The following ERC1 variants were observed in gnomAD, a reference collection of about 807,000 sequenced individuals.
The protein encoded by ERC1 is ELKS/RAB6-interacting/CAST family member 1.
In ERC1, 56 loss-of-function variants were observed where a neutral mutation model predicts 132.0. The observed-to-expected ratio is 0.42, with a 90% confidence interval of 0.34 to 0.53. The LOEUF (loss-of-function observed/expected upper bound fraction) is 0.53. Among genes scored for constraint, ERC1 ranks in the 20% least tolerant of loss-of-function variants. The pLI, the probability that ERC1 is intolerant of heterozygous loss-of-function variation, is 0.03. For synonymous variants in ERC1, 478 were observed against 476.1 expected (o/e 1.00, Z -0.05); for missense variants, 1,202 against 1,349.9 (o/e 0.89, Z 1.72).
rs1297614928 is a variant in ERC1 at position 1,493,549 on chromosome 12, ATATATATATAT to A, written c.*3320_*3330del. On this transcript the variant is annotated 3_prime_UTR_variant, in exon 19 of 19. Transcript: ENST00000360905. The stretch of plus-strand genomic sequence containing the variant: ...CTCCATTTAAAAAAAAAAAAAAAAA[ATATATATATAT>A]ATATATATATATATATATGGATGGG... 2 of 42,460 alleles carry A rather than the reference ATATATATATAT, an allele frequency of 4.7e-5. No individual in the cohort carries two copies. Among genetic ancestry groups the A allele is most frequent in the Admixed American group, 2.6e-4 (1 of 3,790 alleles). The allele number at this position is 42,460 out of a possible 1,614,324, so 2.6% of individuals were successfully genotyped here.
chr12:1,338,094 T>C (rs538970989), intron 15 of ERC1, among the ~76,000 whole-genome samples: 30 of 152,356 alleles, frequency 2.0e-4, no homozygotes, highest in African/African-American at 7.0e-4. Flanking sequence ...TAGCTAGGGT[T>C]GGGAAGCTCT....
intron 15 of ERC1, among the ~76,000 whole-genome samples, chr12:1,364,018 T>C (rs973199410): frequency 3.3e-5 from 5 of 152,244 alleles, no homozygotes; most frequent in Admixed American, 2.0e-4. Flanking sequence ...GCGTGCACTG[T>C]TGGAACTATG....
chr12:1,161,082 T>C (rs561443716), intron 8 of ERC1, among the ~76,000 whole-genome samples: 1 of 152,344 alleles, frequency 6.6e-6, no homozygotes, highest in East Asian at 1.9e-4. Context: ...CTCCCAGTCT[T>C]CCCAGTCTTT....
At chr12:1,409,375 G>A (rs796727804) in intron 17 of ERC1, among the ~76,000 whole-genome samples, 2 of 152,310 alleles carry the variant, frequency 1.3e-5, no homozygotes, top group African/African-American at 4.8e-5. Flanking sequence ...ATGCATGTTT[G>A]ATTCCTCATG....
At chr12:1,412,520 A>G (rs1591867381) in intron 17 of ERC1, among the ~76,000 whole-genome samples, 1 of 152,266 alleles carries the variant, frequency 6.6e-6, no homozygotes, top group East Asian at 1.9e-4. Context: ...ACCATGTACT[A>G]GCTTCTGATT....
intron 17 of ERC1, among the ~76,000 whole-genome samples, chr12:1,440,397 G>GA (rs2093088663): frequency 1.4e-5 from 2 of 147,568 alleles, no homozygotes; most frequent in Admixed American, 1.3e-4. Context: ...TAGTAGAGAC[G>GA]GGGTTTCACC....
chr12:1,459,137 C>T (rs1372125783), intron 18 of ERC1, among the ~76,000 whole-genome samples: 1 of 152,196 alleles, frequency 6.6e-6, no homozygotes, highest in East Asian at 1.9e-4. Context: ...TTGCCTAAAT[C>T]TTTCCAAAGA....
chr12:1,114,017 C>CT (rs1028415921), intron 6 of ERC1, among the ~76,000 whole-genome samples: 4 of 151,980 alleles, frequency 2.6e-5, no homozygotes, highest in Admixed American at 6.6e-5. Context: ...CTTTTCTTTT[C>CT]TTTTTTTCTT....
At chr12:1,253,202 G>C (rs1313199188) in intron 13 of ERC1, among the ~76,000 whole-genome samples, 1 of 152,148 alleles carries the variant, frequency 6.6e-6, no homozygotes, top group African/African-American at 2.4e-5. Flanking sequence ...CCTTCTTTCT[G>C]CTGCAGAAAA....
intron 8 of ERC1, among the ~76,000 whole-genome samples, chr12:1,177,673 A>C (rs1953897352): frequency 6.6e-6 from 1 of 152,220 alleles, no homozygotes; most frequent in Admixed American, 6.5e-5. Context: ...ATCACGGATC[A>C]CTGTAACTGA....
intron 15 of ERC1, among the ~76,000 whole-genome samples, chr12:1,352,231 A>T (rs1447745622): frequency 2.0e-5 from 3 of 152,224 alleles, no homozygotes; most frequent in Admixed American, 6.5e-5. Context: ...TTGAGTACCC[A>T]TCCTAGTTTT....
intron 18 of ERC1, among the ~76,000 whole-genome samples, chr12:1,460,961 T>TC (rs2093632798): frequency 7.3e-6 from 1 of 136,276 alleles, no homozygotes; most frequent in Non-Finnish European, 1.6e-5. Flanking sequence ...GGAGGCCCTT[T>TC]TTTTTTTTTT....
At chr12:1,036,078 T>C (rs1205100504) in intron 2 of ERC1, among the ~76,000 whole-genome samples, 2 of 152,176 alleles carry the variant, frequency 1.3e-5, no homozygotes, top group Admixed American at 6.5e-5. Context: ...AGCACTGTCA[T>C]TGAAATATTT....
intron 12 of ERC1, among the ~76,000 whole-genome samples, chr12:1,215,532 T>TTA (rs1958318916): frequency 6.6e-6 from 1 of 152,152 alleles, no homozygotes; most frequent in Non-Finnish European, 1.5e-5. Flanking sequence ...GTATTACAAT[T>TTA]TATCAGTGGA....
chr12:1,030,369 C>A (rs1162981494), intron 2 of ERC1, among the ~76,000 whole-genome samples: 4 of 152,032 alleles, frequency 2.6e-5, no homozygotes, highest in African/African-American at 7.2e-5. Context: ...AGTCATCTGC[C>A]ACACAAAGAT....
chr12:1,218,492 T>G (rs1958634677), intron 12 of ERC1, among the ~76,000 whole-genome samples: 1 of 152,210 alleles, frequency 6.6e-6, no homozygotes, highest in Non-Finnish European at 1.5e-5. Context: ...AAAAATTGAC[T>G]GTAGTTGCTA....
chr12:1,393,930 G>A (rs2154383802), intron 16 of ERC1, among the ~76,000 whole-genome samples: 1 of 148,858 alleles, frequency 6.7e-6, no homozygotes, highest in South Asian at 2.1e-4. Flanking sequence ...GCAGGAGAAT[G>A]GCGTGAACCC....
chr12:1,063,498 G>A (rs1338990939), intron 2 of ERC1, among the ~76,000 whole-genome samples: 2 of 152,118 alleles, frequency 1.3e-5, no homozygotes, highest in Non-Finnish European at 2.9e-5. Flanking sequence ...CTGACTTCAG[G>A]TGATCTACCT....
chr12:1,143,329 CGTGTGTGTGTGT>C (rs4017792), intron 8 of ERC1, among the ~76,000 whole-genome samples: 2,701 of 128,948 alleles, frequency 0.021, 99 homozygotes, highest in African/African-American at 0.068. Context: ...GCTTTTGACT[CGTGTGTGTGTGT>C]GTGTGTGTGT....
Sources: gnomAD v4.1 joint callset for allele counts (sites outside exome capture counted in the v4.1 genomes callset) on GRCh38, gnomAD v4.1.1 for gene constraint, MANE v1.5 for transcripts, NCBI Gene and HGNC (gene_info 2026-07-23, HGNC 2026-07-21) for gene names.